Variants in TUBGCP2 observed in about 807,000 individuals in gnomAD.
TUBGCP2 encodes the protein tubulin gamma complex component 2.
Under a neutral mutation model 92.2 loss-of-function variants are expected in TUBGCP2, and 55 were observed. The observed-to-expected ratio is 0.60, with a 90% CI of 0.48 to 0.75. The LOEUF is 0.75. TUBGCP2 is among the 30% of genes least tolerant of loss of function. The pLI is 0.00. For missense variants in TUBGCP2, 1,093 were observed against 1,188.9 expected, an observed-to-expected ratio of 0.92 and a Z score of 1.19; for synonymous variants, 533 against 505.2, an observed-to-expected ratio of 1.06 and a Z score of -0.74.
At chr10:133,293,330 A>G (rs1486138399) in intron 6 of TUBGCP2, 92 bp from the exon 7 acceptor site, 1 of 1,463,604 alleles carries the variant, frequency 6.8e-7, no homozygotes, top group Non-Finnish European at 9.4e-7. Context: ...ACAGGAAGCA[A>G]ATGACTCACT....
intron 17 of TUBGCP2, among the ~76,000 whole-genome samples, chr10:133,280,936 C>CA (rs1846954517): frequency 6.8e-6 from 1 of 147,634 alleles, no homozygotes; most frequent in South Asian, 2.1e-4. Context: ...AAGGCTGAGC[C>CA]GGGACAGCAC....
chr10:133,310,043 C>T, upstream of TUBGCP2: 1 of 1,609,204 alleles, frequency 6.2e-7, no homozygotes, highest in Non-Finnish European at 8.5e-7. Context: ...GTGCTGCCCC[C>T]AGCTCTCGGG....
Position 133,281,367 on chromosome 10 carries a change from T to G in TUBGCP2, c.2479A>C (p.Lys827Gln). Residue 827 changes from lysine (K) to glutamine (Q), a missense_variant, in exon 17 of 18, where the codon AAG (lysine) becomes CAG (glutamine). By Grantham distance (53) the Lys-to-Gln change is moderately conservative (BLOSUM62 1). Transcript: ENST00000252936. ...TCCAGCAGGTGGGCTGAGAAGTTCT[T>G]GTCAAACTTGTTGATGGTGGCCTCG... The part of the protein sequence containing the change: ...GFEATINKFD[K>Q]NFSAHLLDLL... The G allele has an allele frequency of 6.2e-7, 1 of 1,613,898 alleles. No homozygotes were observed. Among genetic ancestry groups the G allele is most frequent in the Non-Finnish European group, 8.5e-7 (1 of 1,180,018 alleles).
chr10:133,281,726 C>T (rs773870275), intron 16 of TUBGCP2, among the ~76,000 whole-genome samples: 10 of 152,234 alleles, frequency 6.6e-5, no homozygotes, highest in Non-Finnish European at 1.2e-4. Context: ...GAGGTCGGGG[C>T]GCCTCTCAGT....
intron 14 of TUBGCP2, 44 bp downstream of exon 14, chr10:133,283,838 G>A: frequency 6.2e-7 from 1 of 1,606,458 alleles, no homozygotes; most frequent in South Asian, 1.1e-5. Context: ...CCTGTGAAAG[G>A]AAAGTGGCTT....
At chr10:133,287,552 G>C (rs1847160729) in intron 11 of TUBGCP2, among the ~76,000 whole-genome samples, 1 of 152,104 alleles carries the variant, frequency 6.6e-6, no homozygotes, top group South Asian at 2.1e-4. Flanking sequence ...GACCAGCCTG[G>C]GAAACATGGT....
At chr10:133,312,297 G>A (rs933397024), upstream of TUBGCP2, 10 of 1,217,960 alleles carry the variant, frequency 8.2e-6, no homozygotes, top group Middle Eastern at 3.3e-4. Context: ...CCTTTCTAGC[G>A]TCACCTGTGC....
chr10:133,302,582 C>G lies in TUBGCP2; in HGVS notation c.150+210G>C, dbSNP rs1847696360. ...GAGGGGTGGGTTCACCCTGCACCAT[C>G]CTGATCCAGGAACAGTGTTCATCCT... On this transcript the variant is annotated intron_variant, in intron 2 of 17. Transcript: ENST00000252936. The G allele has an allele frequency of 6.6e-6, 4 of 604,576 alleles. No homozygotes were observed. In the African/African-American group the frequency reaches 7.5e-5, roughly 11 times the overall value. 37.5% of individuals were successfully genotyped at this position (604,576 alleles called of 1,614,324 possible). A position where few individuals can be genotyped will look rare whatever the true frequency, so the allele number is the denominator to read the frequency against.
upstream of TUBGCP2, chr10:133,309,763 G>A (rs970694986): frequency 2.5e-6 from 4 of 1,612,282 alleles, no homozygotes; most frequent in East Asian, 2.2e-5. Flanking sequence ...CCTGAAGCAC[G>A]TCTCCTTGGC....
intron 2 of TUBGCP2, 173 bp from the exon 3 acceptor site, chr10:133,300,286 C>T (rs1343228589): frequency 9.7e-6 from 8 of 821,372 alleles, no homozygotes; most frequent in Non-Finnish European, 1.4e-5. Flanking sequence ...TTAAACTTAT[C>T]CATGTTTTGA....
At chr10:133,289,349 C>T (rs929782495) in intron 9 of TUBGCP2, among the ~76,000 whole-genome samples, 1 of 152,168 alleles carries the variant, frequency 6.6e-6, no homozygotes, top group Non-Finnish European at 1.5e-5. Flanking sequence ...TTATGAGAAC[C>T]GGATGGCTAA....
rs1454159818 is a variant in TUBGCP2, at chr10:133,288,822, G to C, written c.1541+18C>G. On this transcript the variant is annotated intron_variant, in intron 10 of 17. Coordinates refer to ENST00000252936, the MANE Select transcript of TUBGCP2 (RefSeq NM_006659.4). ...AGAGGGAGGTGAGTGCCCGCACAGG[G>C]ACAGGGCACGGAATCACCTGAGGTG... 3 of 1,590,574 alleles carry C rather than the reference G, an allele frequency of 1.9e-6. No homozygotes were observed. The highest frequency in any genetic ancestry group is 2.3e-5 in the East Asian group (1 of 43,864).
rs769355007 is a variant in TUBGCP2, at chr10:133,285,401, G to A, written c.1895+55C>T. Reference sequence around the variant, plus strand: ...GTGGCCACCGCGTGGCACAGTTCTCGCTTCTGCCAAACCTGAGTGAAGATC... The same window carrying A: ...GTGGCCACCGCGTGGCACAGTTCTCACTTCTGCCAAACCTGAGTGAAGATC... On this transcript the variant is annotated intron_variant, in intron 12 of 17. Transcript: ENST00000252936. This position sits in a 1 kb window ranked among gnomAD's most constrained non-coding sequence, Gnocchi z 6.8. 12 of 1,610,418 alleles carry A rather than the reference G, an allele frequency of 7.5e-6. No individual in the cohort carries two copies. Among genetic ancestry groups the A allele is most frequent in the Admixed American group, 5.0e-5 (3 of 59,620 alleles).
At chr10:133,282,202 C>A (rs1229180456) in intron 16 of TUBGCP2, 21 bp downstream of exon 16, 1 of 1,611,208 alleles carries the variant, frequency 6.2e-7, no homozygotes, top group African/African-American at 1.3e-5. Flanking sequence ...CTCTCTCTGG[C>A]CAAACCTGGA....
chr10:133,309,369 C>G (rs757684857), upstream of TUBGCP2: 1 of 1,607,716 alleles, frequency 6.2e-7, no homozygotes, highest in Non-Finnish European at 8.5e-7. Context: ...TGGCCCCGCC[C>G]ACGGCGCACT....
chr10:133,299,890 C>T, intron 3 of TUBGCP2, 95 bp downstream of exon 3: 1 of 1,512,054 alleles, frequency 6.6e-7, no homozygotes, highest in Non-Finnish European at 9.0e-7. Context: ...CGAGGAAGAG[C>T]TGACAGGAAG....
chr10:133,289,743 C>G (rs562376370), intron 9 of TUBGCP2, 81 bp downstream of exon 9: 5 of 1,502,580 alleles, frequency 3.3e-6, no homozygotes, highest in Non-Finnish European at 4.5e-6. Flanking sequence ...CACAGGCTCC[C>G]GGTGGGAGGG....
chr10:133,302,153 G>A (rs376052244), intron 2 of TUBGCP2: 2 of 158,764 alleles, frequency 1.3e-5, no homozygotes, highest in African/African-American at 4.8e-5. Flanking sequence ...TGCACAGTGG[G>A]GTGAATCACA....
intron 7 of TUBGCP2, 97 bp downstream of exon 7, chr10:133,292,942 C>G (rs1205717227): frequency 7.2e-7 from 1 of 1,383,728 alleles, no homozygotes; most frequent in African/African-American, 1.4e-5. Flanking sequence ...CCCTGGGCAG[C>G]TGCTCCACGG....
Sources: allele counts gnomAD v4.1 joint callset (sites outside exome capture counted in the v4.1 genomes callset), GRCh38; gene constraint gnomAD v4.1.1; non-coding constraint Gnocchi (gnomAD v3.1); transcripts MANE v1.5; gene names NCBI Gene and HGNC (gene_info 2026-07-23, HGNC 2026-07-21).